PPP2R5E: variants seen among roughly 807,000 people sequenced by gnomAD.
PPP2R5E encodes serine/threonine-protein phosphatase 2A 56 kDa regulatory subunit epsilon isoform.
Under a neutral mutation model 65.3 loss-of-function variants are expected in PPP2R5E, and 4 were observed. The observed-to-expected ratio is 0.06, with a 90% confidence interval of 0.03 to 0.14. PPP2R5E has a LOEUF of 0.14. PPP2R5E is among the 10% of genes least tolerant of loss of function. PPP2R5E has a pLI of 1.00. For synonymous variants in PPP2R5E, 183 were observed against 187.4 expected, an observed-to-expected ratio of 0.98 and a Z score of 0.19; for missense variants, 274 against 556.1, an observed-to-expected ratio of 0.49 and a Z score of 5.10.
chr14:63,488,460 C>A (rs766743802), intron 2 of PPP2R5E, among the ~76,000 whole-genome samples: 1 of 152,126 alleles, frequency 6.6e-6, no homozygotes, highest in Admixed American at 6.6e-5. Context: ...ACTTTGGCCT[C>A]CCAAAGTGCT....
chr14:63,470,477 AC>A (rs1352789490), intron 2 of PPP2R5E, among the ~76,000 whole-genome samples: 4 of 151,616 alleles, frequency 2.6e-5, no homozygotes, highest in Non-Finnish European at 5.9e-5. Flanking sequence ...AAAAAAAAAA[AC>A]CGACTTGCCC....
At chr14:63,502,119 T>G (rs914379783) in intron 2 of PPP2R5E, among the ~76,000 whole-genome samples, 6 of 152,144 alleles carry the variant, frequency 3.9e-5, no homozygotes, top group Non-Finnish European at 7.4e-5. Context: ...GGTCTCAAAT[T>G]TCTGGCCTCA....
chr14:63,385,472 T>C (rs1004538228), intron 11 of PPP2R5E, among the ~76,000 whole-genome samples: 9 of 152,308 alleles, frequency 5.9e-5, no homozygotes, highest in Middle Eastern at 3.4e-3. Flanking sequence ...CTTTAGCACA[T>C]CTCACTGGTC....
intron 2 of PPP2R5E, among the ~76,000 whole-genome samples, chr14:63,529,419 G>A (rs1197061307): frequency 6.9e-6 from 1 of 144,868 alleles, no homozygotes; most frequent in Non-Finnish European, 1.5e-5. Flanking sequence ...GGAGTGCAGT[G>A]GCGCAATCTT....
chr14:63,506,928 T>C (rs1361150685), intron 2 of PPP2R5E, among the ~76,000 whole-genome samples: 1 of 152,220 alleles, frequency 6.6e-6, no homozygotes, highest in Non-Finnish European at 1.5e-5. Flanking sequence ...ATTTTTAAAA[T>C]GTGGCACAAT....
At position 63,374,660 on chromosome 14, in the gene PPP2R5E, T is replaced by A. The variant is rs1292462660; in HGVS notation, c.*1349A>T. The A allele has an allele frequency of 7.6e-6, 1 of 130,752 alleles. No individual in the cohort carries two copies. The highest frequency in any genetic ancestry group is 7.3e-5 in the Admixed American group (1 of 13,772). The allele number at this position is 130,752 out of a possible 1,614,324, so 8.1% of individuals were successfully genotyped here. ...ATATATATATATATATATATATATA[T>A]ATATATATAAAATACAGCCCTAGAT... On this transcript the variant is annotated 3_prime_UTR_variant, in exon 14 of 14. Coordinates refer to ENST00000337537, the MANE Select transcript of PPP2R5E (RefSeq NM_006246.5).
chr14:63,391,675 G>A (rs999774347), intron 10 of PPP2R5E, 142 bp downstream of exon 10: 7 of 812,988 alleles, frequency 8.6e-6, no homozygotes, highest in Non-Finnish European at 1.3e-5. Context: ...TGCCCGCCTC[G>A]GCCTCCCAAA....
At chr14:63,449,734 C>A (rs989989407) in intron 3 of PPP2R5E, among the ~76,000 whole-genome samples, 1 of 125,974 alleles carries the variant, frequency 7.9e-6, no homozygotes, top group African/African-American at 3.0e-5. Context: ...ACCCTATGTA[C>A]CTCTTAGCAC....
intron 6 of PPP2R5E, 109 bp from the exon 7 acceptor site, chr14:63,395,394 G>A: frequency 2.0e-6 from 1 of 504,200 alleles, no homozygotes; most frequent in Non-Finnish European, 3.4e-6. Context: ...AGAAGAGGAG[G>A]AGGAGGAGGA....
intron 11 of PPP2R5E, among the ~76,000 whole-genome samples, chr14:63,386,602 T>C (rs1228452135): frequency 1.3e-5 from 2 of 151,946 alleles, no homozygotes; most frequent in African/African-American, 2.4e-5. Context: ...TCCAGATGAC[T>C]TGGGAAACAG....
rs566730306 is a variant in PPP2R5E, at chr14:63,382,217, G to A, written c.1203-60C>T. On this transcript the variant is annotated intron_variant, in intron 12 of 13. Transcript: ENST00000337537. ...AGTCTTATAAAATGGGATACTGAAT[G>A]AAGAAAGCAAAAGCACAACTTTTGT... 1.1e-5 allele frequency: 15 copies of A among 1,345,192 alleles called. No homozygotes were observed. The African/African-American group carries it at 1.4e-4, about 13-fold the overall frequency. 83.3% of individuals were successfully genotyped at this position (1,345,192 alleles called of 1,614,324 possible).
intron 13 of PPP2R5E, among the ~76,000 whole-genome samples, chr14:63,379,092 A>C (rs1427233708): frequency 6.6e-6 from 1 of 150,668 alleles, no homozygotes; most frequent in African/African-American, 2.4e-5. Flanking sequence ...GCAGTGGTGT[A>C]ATCTCGGCTC....
chr14:63,474,980 A>T (rs1334760780), intron 2 of PPP2R5E, among the ~76,000 whole-genome samples: 1 of 152,182 alleles, frequency 6.6e-6, no homozygotes, highest in Non-Finnish European at 1.5e-5. Flanking sequence ...GAAGCCAAAG[A>T]AGAGTATGTT....
intron 12 of PPP2R5E, among the ~76,000 whole-genome samples, chr14:63,383,325 G>A (rs1884477091): frequency 6.6e-6 from 1 of 152,220 alleles, no homozygotes; most frequent in South Asian, 2.1e-4. Flanking sequence ...TGAGTCTGAT[G>A]TTTCCAAAAC....
At chr14:63,522,718 G>A (rs1304948395) in intron 2 of PPP2R5E, among the ~76,000 whole-genome samples, 8 of 141,190 alleles carry the variant, frequency 5.7e-5, no homozygotes, top group South Asian at 2.4e-4. Flanking sequence ...CGGCCGCCCC[G>A]TCTGAGAAGT....
intron 10 of PPP2R5E, among the ~76,000 whole-genome samples, chr14:63,390,617 A>T (rs1254593058): frequency 6.6e-6 from 1 of 152,248 alleles, no homozygotes; most frequent in African/African-American, 2.4e-5. Flanking sequence ...TTTATCTAAC[A>T]GATTTTAAGA....
chr14:63,394,174 G>A (rs979723416), intron 7 of PPP2R5E, among the ~76,000 whole-genome samples: 4 of 146,912 alleles, frequency 2.7e-5, no homozygotes, highest in East Asian at 2.1e-4. Flanking sequence ...CTTCGCCTCC[G>A]GGATTCAAGC....
chr14:63,474,460 A>T (rs1890293969), intron 2 of PPP2R5E, among the ~76,000 whole-genome samples: 1 of 152,080 alleles, frequency 6.6e-6, no homozygotes, highest in African/African-American at 2.4e-5. Flanking sequence ...TATACATGGA[A>T]ATGTATTGTA....
chr14:63,543,109 C>A lies in PPP2R5E; in HGVS notation c.-338G>T, dbSNP rs1256034858. 2.0e-5 allele frequency: 3 copies of A among 152,860 alleles called. No homozygotes were observed. The South Asian group carries it at 6.2e-4, about 31-fold the overall frequency. 9.5% of individuals were successfully genotyped at this position (152,860 alleles called of 1,614,324 possible). The stretch of plus-strand genomic sequence containing the variant: ...GCTCCTCGCTCACATTCCTGGCGGG[C>A]GGCGCCTCAGCTCGTTGCCCCGGAC... On this transcript the variant is annotated 5_prime_UTR_variant, in exon 1 of 14. Transcript: ENST00000337537.
Sources: gnomAD v4.1 joint callset for allele counts (sites outside exome capture counted in the v4.1 genomes callset) on GRCh38, gnomAD v4.1.1 for gene constraint, MANE v1.5 for transcripts, NCBI Gene and HGNC (gene_info 2026-07-23, HGNC 2026-07-21) for gene names.